The following LEO1 variants were observed in gnomAD, a reference collection of about 807,000 sequenced individuals.
LEO1 encodes LEO1 component of Paf1/RNA polymerase II complex.
Under a neutral mutation model 80.4 loss-of-function variants are expected in LEO1, and 34 were observed. The ratio of observed to expected loss-of-function variants is 0.42; its 90% CI spans 0.32 to 0.56. The LOEUF is 0.56. LEO1 is among the 20% of genes least tolerant of loss of function. The pLI is 0.10. For missense variants in LEO1, 631 were observed against 814.2 expected (o/e 0.77, Z 2.74); for synonymous variants, 262 against 274.9 (o/e 0.95, Z 0.46).
intron 11 of LEO1, among the ~76,000 whole-genome samples, chr15:51,938,852 A>G (rs1214657108): frequency 6.6e-6 from 1 of 152,250 alleles, no homozygotes; most frequent in Non-Finnish European, 1.5e-5. Context: ...TGAACATGTC[A>G]GTATCTAAAT....
At chr15:51,951,799 T>C (rs374135237) in intron 9 of LEO1, 45 bp downstream of exon 9, 3 of 1,568,924 alleles carry the variant, frequency 1.9e-6, no homozygotes, top group Non-Finnish European at 2.6e-6. Context: ...ACTTGCCTAA[T>C]ATACCAAAGA....
Position 51,971,751 on chromosome 15 carries a change from C to T in LEO1, c.-6G>A. 6.2e-7 allele frequency: 1 copy of T among 1,614,158 alleles called. No individual in the cohort carries two copies. Among genetic ancestry groups the T allele is most frequent in the East Asian group, 2.2e-5 (1 of 44,884 alleles). On this transcript the variant is annotated 5_prime_UTR_variant, in exon 1 of 12. Transcript: ENST00000299601. ...AGATCCTCCATATCCGCCATTATCG[C>T]TCACGTCCGCTGCTGCCTCGGTTAG... is the stretch of plus-strand genomic sequence containing the variant.
intron 11 of LEO1, among the ~76,000 whole-genome samples, chr15:51,938,691 T>G (rs1190094235): frequency 6.6e-6 from 1 of 152,236 alleles, no homozygotes. Flanking sequence ...ATTAAAAACA[T>G]CATAAAGGTT....
At chr15:51,946,865 T>A (rs777125296) in intron 11 of LEO1, 27 of 162,566 alleles carry the variant, frequency 1.7e-4, no homozygotes, top group East Asian at 7.6e-4. Flanking sequence ...TTTCCTAATT[T>A]AAAAAAAAAA....
intron 1 of LEO1, 141 bp downstream of exon 1, chr15:51,971,547 C>T: frequency 1.3e-6 from 1 of 790,192 alleles, no homozygotes; most frequent in South Asian, 1.5e-5. Flanking sequence ...GAGGATGGCA[C>T]CTCCGGGAGT....
At chr15:51,967,995 C>T (rs2057091951) in intron 1 of LEO1, among the ~76,000 whole-genome samples, 1 of 151,940 alleles carries the variant, frequency 6.6e-6, no homozygotes, top group Non-Finnish European at 1.5e-5. Flanking sequence ...ATCAGCCTGG[C>T]CAACATGGTG....
At chr15:51,948,813 G>A (rs1474402894) in intron 10 of LEO1, among the ~76,000 whole-genome samples, 1 of 152,224 alleles carries the variant, frequency 6.6e-6, no homozygotes, top group Non-Finnish European at 1.5e-5. Flanking sequence ...GGTCTTCTTA[G>A]TTCGCTTTTC....
chr15:51,961,352 AGGTGGTGGTGGTGGT>A (rs367548538), intron 3 of LEO1, among the ~76,000 whole-genome samples: 7 of 139,824 alleles, frequency 5.0e-5, no homozygotes, highest in Middle Eastern at 3.2e-3. Context: ...TTATAATACC[AGGTGGTGGTGGTGGT>A]GGTGGTGGTG....
chr15:51,971,644 GA>G, intron 1 of LEO1, 43 bp downstream of exon 1: 1 of 1,601,798 alleles, frequency 6.2e-7, no homozygotes, highest in Non-Finnish European at 8.5e-7. Context: ...TCCCACAGCG[GA>G]AGGCCTGCCA....
At chr15:51,951,716 G>T in intron 9 of LEO1, 128 bp downstream of exon 9, 4 of 750,784 alleles carry the variant, frequency 5.3e-6, no homozygotes, top group African/African-American at 1.8e-5. Flanking sequence ...AATGAATCCA[G>T]CTCCCTATTC....
intron 6 of LEO1, among the ~76,000 whole-genome samples, chr15:51,957,481 A>C (rs2056998623): frequency 6.6e-6 from 1 of 152,222 alleles, no homozygotes; most frequent in African/African-American, 2.4e-5. Flanking sequence ...TAGTGTAAGC[A>C]GTATATCTGT....
chr15:51,958,094 T>A (rs1283887663), intron 6 of LEO1, among the ~76,000 whole-genome samples: 1 of 152,164 alleles, frequency 6.6e-6, no homozygotes, highest in Non-Finnish European at 1.5e-5. Flanking sequence ...GAATTGAAAA[T>A]GCATAATTCC....
intron 1 of LEO1, among the ~76,000 whole-genome samples, chr15:51,970,109 T>C (rs2057110949): frequency 6.6e-6 from 1 of 152,130 alleles, no homozygotes. Flanking sequence ...CACTCCTACA[T>C]AATACCCTCC....
Position 51,947,280 on chromosome 15 carries a change from AT to A in LEO1, c.1896+11del, listed in dbSNP as rs778604933. 7.0e-6 allele frequency: 11 copies of A among 1,569,020 alleles called. No homozygotes were observed. Among genetic ancestry groups the A allele is most frequent in the Middle Eastern group, 1.7e-4 (1 of 6,010 alleles). On this transcript the variant is annotated intron_variant, in intron 11 of 11. Transcript: ENST00000299601. ...AGGATAAACCCCTAGAATTGAATAA[AT>A]TTGGTCTTACCTCATCACTGGTAAG...
chr15:51,968,778 G>A lies in LEO1; in HGVS notation c.59-2274C>T, dbSNP rs563670693. 5.9e-5 allele frequency among the ~76,000 whole-genome samples: 9 copies of A among 151,784 alleles called. No individual in the cohort carries two copies. The East Asian group carries it at 9.7e-4, about 16-fold the overall frequency. Reference sequence around the variant, plus strand: ...CAGAAGGCGGAGGTTGCTGTAAGCCGAGATTGCGCCACTGCACTCCAGCCT... The same window carrying A: ...CAGAAGGCGGAGGTTGCTGTAAGCCAAGATTGCGCCACTGCACTCCAGCCT... On this transcript the variant is annotated intron_variant, in intron 1 of 11. Coordinates refer to ENST00000299601, the MANE Select transcript of LEO1 (RefSeq NM_138792.4).
intron 2 of LEO1, among the ~76,000 whole-genome samples, chr15:51,965,340 T>C (rs539072135): frequency 4.6e-5 from 7 of 152,328 alleles, no homozygotes; most frequent in African/African-American, 1.4e-4. Context: ...CACATCTCAG[T>C]ACAGCTGCTC....
Position 51,966,195 on chromosome 15 carries a change from G to C in LEO1, c.368C>G (p.Ser123Trp), listed in dbSNP as rs751717493. The C allele has an allele frequency of 1.2e-6, 2 of 1,613,848 alleles. No individual in the cohort carries two copies. Among genetic ancestry groups the C allele is most frequent in the Non-Finnish European group, 1.7e-6 (2 of 1,180,030 alleles). ...PNDDEDEGHR[S>W]DGGSHHSEAE... ...TTCTGAATGATGGCTCCCTCCATCCGATCTATGACCTTCGTCTTCATCATC... is the reference window on the plus strand; with the variant it reads ...TTCTGAATGATGGCTCCCTCCATCCCATCTATGACCTTCGTCTTCATCATC... Residue 123 changes from serine (S) to tryptophan (W), a missense_variant, in exon 2 of 12, where the codon TCG becomes TGG. Physicochemically the swap from Ser to Trp is radical, Grantham distance 177. Coordinates refer to ENST00000299601, the MANE Select transcript of LEO1 (RefSeq NM_138792.4).
Position 51,946,876 on chromosome 15 carries a change from T to A in LEO1, c.1896+416A>T, listed in dbSNP as rs116299211. ...TTATTTTCCTAATTTAAAAAAAAAA[T>A]ACTGAGAAGTTTTACAAAAAGGAGA... On this transcript the variant is annotated intron_variant, in intron 11 of 11. Coordinates refer to ENST00000299601, the MANE Select transcript of LEO1 (RefSeq NM_138792.4). 1,068 of 164,532 alleles carry A rather than the reference T, an allele frequency of 6.5e-3. 11 individuals are homozygous for A. Among genetic ancestry groups the A allele is most frequent in the African/African-American group, 0.025 (1,021 of 41,614 alleles). The allele number at this position is 164,532 out of a possible 1,614,324, so 10.2% of individuals were successfully genotyped here.
Position 51,953,267 on chromosome 15 carries a change from G to T in LEO1, c.1341-4C>A, listed in dbSNP as rs759401006. On this transcript the variant is annotated splice_polypyrimidine_tract_variant and splice_region_variant and intron_variant, in intron 7 of 11. Transcript: ENST00000299601. ...ATTGCCTAAATGCAGGGACATGCTG[G>T]AAAGAGAAACATTTCATCTATTAAA... The T allele has an allele frequency of 2.5e-6, 4 of 1,611,544 alleles. No individual in the cohort carries two copies. The South Asian group carries it at 4.4e-5, about 18-fold the overall frequency.
Sources: allele counts gnomAD v4.1 joint callset (sites outside exome capture counted in the v4.1 genomes callset), GRCh38; gene constraint gnomAD v4.1.1; transcripts MANE v1.5; gene names NCBI Gene and HGNC (gene_info 2026-07-23, HGNC 2026-07-21).